Variants in CDC40 observed in about 807,000 individuals in gnomAD.
CDC40 encodes pre-mRNA-processing factor 17.
CDC40 carries 27 observed loss-of-function variants against 80.6 expected under a neutral mutation model. The observed-to-expected ratio is 0.33, with a 90% CI of 0.25 to 0.46. The LOEUF (loss-of-function observed/expected upper bound fraction) is 0.46. Among genes scored for constraint, CDC40 ranks in the 20% least tolerant of loss-of-function variants. The pLI is 1.00. For synonymous variants in CDC40, 221 were observed against 232.6 expected, an observed-to-expected ratio of 0.95 and a Z score of 0.45; for missense variants, 486 against 694.1, an observed-to-expected ratio of 0.70 and a Z score of 3.37.
At chr6:110,191,839 A>G (rs768082095) in intron 1 of CDC40, among the ~76,000 whole-genome samples, 16 of 152,182 alleles carry the variant, frequency 1.1e-4, no homozygotes, top group Non-Finnish European at 1.8e-4. Context: ...TCATTTTATG[A>G]CAGCAATGTT....
intron 13 of CDC40, among the ~76,000 whole-genome samples, chr6:110,228,207 G>A (rs1013460102): frequency 6.6e-6 from 1 of 152,138 alleles, no homozygotes; most frequent in Admixed American, 6.5e-5. Context: ...TTAAAATTTA[G>A]CACTATAATC....
chr6:110,223,109 G>A (rs1010644436), intron 12 of CDC40, among the ~76,000 whole-genome samples: 1 of 152,194 alleles, frequency 6.6e-6, no homozygotes, highest in African/African-American at 2.4e-5. Context: ...TTAAGAGACA[G>A]GATCTCACTC....
chr6:110,190,408 T>A (rs1584061925), intron 1 of CDC40, among the ~76,000 whole-genome samples: 1 of 152,234 alleles, frequency 6.6e-6, no homozygotes, highest in South Asian at 2.1e-4. Context: ...CAAGATATAA[T>A]GAAGCCCTAA....
chr6:110,182,297 T>G (rs59891410), intron 1 of CDC40, among the ~76,000 whole-genome samples: 3,993 of 152,322 alleles, frequency 0.026, 168 homozygotes, highest in African/African-American at 0.09. Flanking sequence ...ATCCTTTTAT[T>G]TCCAGTTCTA....
intron 14 of CDC40, 116 bp downstream of exon 14, chr6:110,229,092 T>C (rs2114675950): frequency 2.2e-6 from 2 of 897,840 alleles, no homozygotes; most frequent in East Asian, 3.1e-5. Context: ...GAGAACTCGA[T>C]GATCTGTCAA....
At chr6:110,220,688 G>T (rs367945742) in intron 12 of CDC40, among the ~76,000 whole-genome samples, 6 of 152,024 alleles carry the variant, frequency 3.9e-5, no homozygotes, top group African/African-American at 7.3e-5. Flanking sequence ...CTTATGATCC[G>T]CCCACCTTGG....
chr6:110,208,866 T>C lies in CDC40; in HGVS notation c.491-218T>C, dbSNP rs564357232. ...TGCAGAATATTGAATTAGTTTTAAG[T>C]GTCTTTGCCCAGAAGGTTGAATCCC... is the stretch of plus-strand genomic sequence containing the variant. On this transcript the variant is annotated intron_variant, in intron 4 of 14. Coordinates refer to ENST00000307731, the MANE Select transcript of CDC40 (RefSeq NM_015891.3). Among the ~76,000 whole-genome samples the C allele has an allele frequency of 3.3e-5, 5 of 152,276 alleles. No individual in the cohort carries two copies. The South Asian group carries it at 6.2e-4, about 19-fold the overall frequency.
chr6:110,180,716 AC>A, intron 1 of CDC40, 83 bp downstream of exon 1: 1 of 976,742 alleles, frequency 1.0e-6, no homozygotes, highest in Non-Finnish European at 1.6e-6. Context: ...GTACCGGGTT[AC>A]CTCTTTCTCA....
intron 9 of CDC40, 39 bp from the exon 10 acceptor site, chr6:110,217,663 A>G: frequency 1.1e-6 from 1 of 870,058 alleles, no homozygotes; most frequent in Non-Finnish European, 2.0e-6. Context: ...GATATATGAT[A>G]CTTCACCTCA....
chr6:110,180,541 G>T lies in CDC40; in HGVS notation c.97G>T (p.Ala33Ser), dbSNP rs1562196792. Residue 33 changes from alanine (A) to serine (S), a missense_variant, in exon 1 of 15, where the codon GCC (alanine) becomes TCC (serine). Ala to Ser is a moderately conservative substitution (Grantham distance 99, BLOSUM62 1). This residue lies in a region of CDC40 where 381 missense variants were observed against 492.1 expected (regional missense o/e 0.77). Transcript: ENST00000307731. ...TGAGAGCAGTCGGTGTCCGCTGCCAGCCGCCGACTCCCTCATGCACTTGAC... is the reference window on the plus strand; with the variant it reads ...TGAGAGCAGTCGGTGTCCGCTGCCATCCGCCGACTCCCTCATGCACTTGAC... ...DSESSRCPLP[A>S]ADSLMHLTKS... 1 of 1,614,214 alleles carries T rather than the reference G, an allele frequency of 6.2e-7. No homozygotes were observed. The highest frequency in any genetic ancestry group is 1.6e-4 in the Middle Eastern group (1 of 6,062).
intron 1 of CDC40, among the ~76,000 whole-genome samples, chr6:110,185,683 A>G (rs1777259668): frequency 6.6e-6 from 1 of 152,186 alleles, no homozygotes; most frequent in Admixed American, 6.5e-5. Context: ...CTCTGACCAC[A>G]GTGCACCTAA....
chr6:110,229,880 C>T (rs1777913253), intron 14 of CDC40, 74 bp from the exon 15 acceptor site: 5 of 883,198 alleles, frequency 5.7e-6, no homozygotes, highest in Non-Finnish European at 9.0e-6. Flanking sequence ...GAAAAGATAA[C>T]GTCCCTATTC....
chr6:110,229,815 C>T, intron 14 of CDC40, 139 bp from the exon 15 acceptor site: 3 of 547,214 alleles, frequency 5.5e-6, no homozygotes, highest in South Asian at 5.9e-5. Context: ...CATGTTCTAC[C>T]ATCTTATTCT....
At chr6:110,195,883 T>A (rs1262530449) in intron 2 of CDC40, among the ~76,000 whole-genome samples, 2 of 152,202 alleles carry the variant, frequency 1.3e-5, no homozygotes, top group African/African-American at 4.8e-5. Context: ...TTATCTTGAT[T>A]TAATCAATGA....
chr6:110,188,793 G>A (rs185855999), intron 1 of CDC40, among the ~76,000 whole-genome samples: 1,820 of 152,306 alleles, frequency 0.012, 11 homozygotes, highest in South Asian at 0.028. Context: ...GCATCCAGTG[G>A]TAGCCATAGC....
chr6:110,193,099 A>T (rs184781866), intron 1 of CDC40, 83 bp from the exon 2 acceptor site: 4 of 771,382 alleles, frequency 5.2e-6, no homozygotes, highest in Non-Finnish European at 9.2e-6. Context: ...GATGTTAAAG[A>T]TGGCTAGTGT....
chr6:110,222,024 GTT>G (rs1777784289), intron 12 of CDC40, among the ~76,000 whole-genome samples: 1 of 151,990 alleles, frequency 6.6e-6, no homozygotes, highest in African/African-American at 2.4e-5. Flanking sequence ...GAGAGGCTGA[GTT>G]GGGTGGATCA....
At chr6:110,224,853 C>T (rs1009637108) in intron 12 of CDC40, among the ~76,000 whole-genome samples, 1 of 152,180 alleles carries the variant, frequency 6.6e-6, no homozygotes, top group African/African-American at 2.4e-5. Flanking sequence ...ACACATTGAT[C>T]AATATGAACC....
chr6:110,223,133 AG>A (rs1427890924), intron 12 of CDC40, among the ~76,000 whole-genome samples: 2 of 152,162 alleles, frequency 1.3e-5, no homozygotes, highest in Admixed American at 6.6e-5. Flanking sequence ...TGCCTAGACT[AG>A]AATGTAGTGG....
Sources: allele counts gnomAD v4.1 joint callset (sites outside exome capture counted in the v4.1 genomes callset), GRCh38; gene constraint gnomAD v4.1.1; regional missense constraint gnomAD v4.1.1; transcripts MANE v1.5; gene names NCBI Gene and HGNC (gene_info 2026-07-23, HGNC 2026-07-21).